KIRREL3: variants seen among roughly 807,000 people sequenced by gnomAD.
The protein encoded by KIRREL3 is kin of IRRE-like protein 3.
A neutral mutation model predicts 89.7 loss-of-function variants in KIRREL3; 36 were observed. That is an observed-to-expected ratio of 0.40 (90% CI 0.31 to 0.53). The LOEUF is 0.53. Among genes scored for constraint, KIRREL3 ranks in the 20% least tolerant of loss-of-function variants. The pLI is 0.49. For synonymous variants in KIRREL3, 445 were observed against 441.4 expected (o/e 1.01, Z -0.10); for missense variants, 864 against 1,056.6 (o/e 0.82, Z 2.53).
At chr11:126,856,554 AGT>A (rs1944514197) in intron 1 of KIRREL3, among the ~76,000 whole-genome samples, 3 of 104,078 alleles carry the variant, frequency 2.9e-5, no homozygotes, top group Non-Finnish European at 5.9e-5. Context: ...CATTTTTCTA[AGT>A]ATATATATAT....
At chr11:126,975,030 C>T (rs1035939663) in intron 1 of KIRREL3, among the ~76,000 whole-genome samples, 5 of 152,028 alleles carry the variant, frequency 3.3e-5, no homozygotes, top group South Asian at 2.1e-4. Context: ...AGGCTGGTCT[C>T]GAACTCTGGA....
At chr11:126,974,837 C>T (rs1949524662) in intron 1 of KIRREL3, among the ~76,000 whole-genome samples, 1 of 152,166 alleles carries the variant, frequency 6.6e-6, no homozygotes, top group Non-Finnish European at 1.5e-5. Flanking sequence ...TCCTGAGTAG[C>T]TGGGACTACA....
chr11:126,518,451 C>T (rs192769726), intron 4 of KIRREL3, among the ~76,000 whole-genome samples: 76 of 152,334 alleles, frequency 5.0e-4, no homozygotes, highest in Admixed American at 1.8e-3. Context: ...GCAATTTTGC[C>T]GGAATACCAT....
intron 1 of KIRREL3, among the ~76,000 whole-genome samples, chr11:126,919,866 G>C (rs1947198588): frequency 6.6e-6 from 1 of 152,156 alleles, no homozygotes; most frequent in Non-Finnish European, 1.5e-5. Context: ...AGTAACAATA[G>C]TGTAACTGCA....
chr11:126,678,786 T>C (rs1591944392), intron 1 of KIRREL3, among the ~76,000 whole-genome samples: 1 of 152,088 alleles, frequency 6.6e-6, no homozygotes. Flanking sequence ...AGGGGAGTGG[T>C]GAAGCCTGCA....
At chr11:126,447,536 C>T (rs142210594) in intron 8 of KIRREL3, among the ~76,000 whole-genome samples, 49 of 152,334 alleles carry the variant, frequency 3.2e-4, no homozygotes, top group African/African-American at 1.1e-3. Flanking sequence ...CTCTGTGTCA[C>T]GCCCATTGCA....
In KIRREL3 at chr11:126,602,337, C is replaced by A. The variant is rs563486355; in HGVS notation, c.56-39425G>T. On this transcript the variant is annotated intron_variant, in intron 1 of 16. Transcript: ENST00000525144. ...TCTACAGGGACTGAGCTTTCTAGCTCTTCTCCCAGAAGTCTGGCCTCTGGT... is the reference window on the plus strand; with the variant it reads ...TCTACAGGGACTGAGCTTTCTAGCTATTCTCCCAGAAGTCTGGCCTCTGGT... 1.4e-4 allele frequency among the ~76,000 whole-genome samples: 21 copies of A among 152,312 alleles called. No individual in the cohort carries two copies. The South Asian group carries it at 1.9e-3, about 14-fold the overall frequency.
rs1951059504 is a variant in KIRREL3 at position 126,802,267 on chromosome 11, T to A, written c.55+198188A>T. Among the ~76,000 whole-genome samples the A allele has an allele frequency of 6.6e-6, 1 of 151,686 alleles. No homozygotes were observed. Among genetic ancestry groups the A allele is most frequent in the Non-Finnish European group, 1.5e-5 (1 of 67,968 alleles). On this transcript the variant is annotated intron_variant, in intron 1 of 16. Coordinates refer to ENST00000525144, the MANE Select transcript of KIRREL3 (RefSeq NM_032531.4). This position sits in a 1 kb window ranked among gnomAD's most constrained non-coding sequence, Gnocchi z 5.2. ...GGAGTAAGAGATCCTCCAGGTGGAG[T>A]GGGCCATGGTCAAGGCAGGTGGGGG...
rs1948733183 is a variant in KIRREL3, at chr11:126,734,355, A to G, written c.56-171443T>C. ...GATTTCCCCCTCTGTTTTTTCAGTG[A>G]TCCATTTGTTTACTTAAGAAATATT... On this transcript the variant is annotated intron_variant, in intron 1 of 16. Transcript: ENST00000525144. This position sits in a 1 kb window ranked among gnomAD's most constrained non-coding sequence, Gnocchi z 5.9. Among the ~76,000 whole-genome samples the G allele has an allele frequency of 6.6e-6, 1 of 152,028 alleles. No homozygotes were observed. Among genetic ancestry groups the G allele is most frequent in the African/African-American group, 2.4e-5 (1 of 41,384 alleles).
At chr11:126,848,739 A>G (rs1944235128) in intron 1 of KIRREL3, among the ~76,000 whole-genome samples, 1 of 152,194 alleles carries the variant, frequency 6.6e-6, no homozygotes, top group Non-Finnish European at 1.5e-5. Context: ...CTTAAATTGA[A>G]TGCTTATCAC....
chr11:126,755,343 G>A lies in KIRREL3; in HGVS notation c.56-192431C>T, dbSNP rs1565705008. 6.6e-6 allele frequency among the ~76,000 whole-genome samples: 1 copy of A among 152,122 alleles called. No homozygotes were observed. The highest frequency in any genetic ancestry group is 1.5e-5 in the Non-Finnish European group (1 of 68,018). Reference sequence around the variant, plus strand: ...AGTTCATTATAATTTTAGCCATGAAGTCCTGAAGTGCAGGTAATCGTGTTT... The same window carrying A: ...AGTTCATTATAATTTTAGCCATGAAATCCTGAAGTGCAGGTAATCGTGTTT... On this transcript the variant is annotated intron_variant, in intron 1 of 16. Coordinates refer to ENST00000525144, the MANE Select transcript of KIRREL3 (RefSeq NM_032531.4). This position sits in a 1 kb window ranked among gnomAD's most constrained non-coding sequence, Gnocchi z 4.3.
In KIRREL3 at chr11:126,612,005, T is replaced by A. The variant is rs560404337; in HGVS notation, c.56-49093A>T. On this transcript the variant is annotated intron_variant, in intron 1 of 16. Coordinates refer to ENST00000525144, the MANE Select transcript of KIRREL3 (RefSeq NM_032531.4). This position sits in a 1 kb window ranked among gnomAD's most constrained non-coding sequence, Gnocchi z 4.5. ...TCCTCAAGCAAGCCTCCCAGCCCAG[T>A]CAGCCCCTGTGCACTCTCATGTTAC... Among the ~76,000 whole-genome samples, 12 of 152,292 alleles carry A rather than the reference T, an allele frequency of 7.9e-5. No homozygotes were observed. The East Asian group carries it at 2.3e-3, about 29-fold the overall frequency.
intron 1 of KIRREL3, among the ~76,000 whole-genome samples, chr11:126,887,005 A>G (rs1945720927): frequency 6.6e-6 from 1 of 152,202 alleles, no homozygotes; most frequent in Non-Finnish European, 1.5e-5. Flanking sequence ...TCAAAACCTA[A>G]GGTGAACACG....
At chr11:126,853,174 G>T (rs560590981) in intron 1 of KIRREL3, among the ~76,000 whole-genome samples, 1 of 151,976 alleles carries the variant, frequency 6.6e-6, no homozygotes, top group Non-Finnish European at 1.5e-5. Context: ...TGTTTAAATC[G>T]CTGTGTGTGT....
rs368163191 is a variant in KIRREL3, at chr11:126,477,209, T to C, written c.434-3743A>G. 6.6e-6 allele frequency among the ~76,000 whole-genome samples: 1 copy of C among 152,308 alleles called. No homozygotes were observed. The highest frequency in any genetic ancestry group is 1.9e-4 in the East Asian group (1 of 5,168). On this transcript the variant is annotated intron_variant, in intron 4 of 16. Transcript: ENST00000525144. This position sits in a 1 kb window ranked among gnomAD's most constrained non-coding sequence, Gnocchi z 4.8. ...CATTGATTATGAAAGAAACACATCATCGCGGGATGCTGAGCTCTTTACAGT... is the reference window on the plus strand; with the variant it reads ...CATTGATTATGAAAGAAACACATCACCGCGGGATGCTGAGCTCTTTACAGT...
chr11:126,701,680 A>G (rs1247218321), intron 1 of KIRREL3, among the ~76,000 whole-genome samples: 1 of 152,088 alleles, frequency 6.6e-6, no homozygotes, highest in African/African-American at 2.4e-5. Context: ...AGGAGGTCAG[A>G]GGGTGGAGGA....
chr11:126,447,835 G>A (rs1955880831), intron 8 of KIRREL3, among the ~76,000 whole-genome samples: 1 of 152,202 alleles, frequency 6.6e-6, no homozygotes, highest in Non-Finnish European at 1.5e-5. Context: ...AGGCTTCAAG[G>A]GCAAGGGGGA....
rs554387897 is a variant in KIRREL3, at chr11:126,870,610, A to C, written c.55+129845T>G. ...ACCATGCCAGGCTTGGCAGGCCCCA[A>C]ACTGGACAGACAGAAGCTCCCTCCA... On this transcript the variant is annotated intron_variant, in intron 1 of 16. Coordinates refer to ENST00000525144, the MANE Select transcript of KIRREL3 (RefSeq NM_032531.4). This position sits in a 1 kb window ranked among gnomAD's most constrained non-coding sequence, Gnocchi z 4.4. Among the ~76,000 whole-genome samples the C allele has an allele frequency of 1.4e-4, 21 of 152,306 alleles. No individual in the cohort carries two copies. Among genetic ancestry groups the C allele is most frequent in the African/African-American group, 4.6e-4 (19 of 41,580 alleles).
At chr11:126,849,280 AC>A (rs35493456) in intron 1 of KIRREL3, among the ~76,000 whole-genome samples, 128,953 of 151,958 alleles carry the variant, frequency 0.85, 54,923 homozygotes, top group East Asian at 1. Context: ...GTTACCCTAT[AC>A]AGTCTCAGAA....
Sources: gnomAD v4.1 joint callset for allele counts (sites outside exome capture counted in the v4.1 genomes callset) on GRCh38, gnomAD v4.1.1 for gene constraint, Gnocchi (gnomAD v3.1) non-coding constraint, MANE v1.5 for transcripts, NCBI Gene and HGNC (gene_info 2026-07-23, HGNC 2026-07-21) for gene names.